SAMD13: variants seen among roughly 807,000 people sequenced by gnomAD.
SAMD13 encodes the protein sterile alpha motif domain containing 13, also known as sterile alpha motif domain-containing protein 13.
In SAMD13, 9 loss-of-function variants were observed where a neutral mutation model predicts 12.4. That is an observed-to-expected ratio of 0.72 (90% CI 0.44 to 1.26). The LOEUF (loss-of-function observed/expected upper bound fraction) is 1.26, where lower values mean the gene tolerates loss of function less well. Among genes scored for constraint, SAMD13 ranks in the 50% most tolerant of loss-of-function variants. The pLI is 0.00. For missense variants in SAMD13, 84 were observed against 119.6 expected, an observed-to-expected ratio of 0.70 and a Z score of 1.39; for synonymous variants, 46 against 45.4, an observed-to-expected ratio of 1.01 and a Z score of -0.05.
chr1:84,324,966 G>A (rs1001098080), intron 2 of SAMD13, among the ~76,000 whole-genome samples: 5 of 152,064 alleles, frequency 3.3e-5, no homozygotes, highest in African/African-American at 4.8e-5. Context: ...GAAGTGGTCC[G>A]GGCTCAAATG....
chr1:84,299,536 GTACACCACA>G, upstream of SAMD13: 1 of 1,345,274 alleles, frequency 7.4e-7, no homozygotes, highest in Non-Finnish European at 9.9e-7. Context: ...CACACACAAA[GTACACCACA>G]TAGTGCACAC....
intron 3 of SAMD13, among the ~76,000 whole-genome samples, chr1:84,326,095 G>A (rs148766296): frequency 1.3e-5 from 2 of 152,146 alleles, no homozygotes; most frequent in Admixed American, 6.6e-5. Flanking sequence ...GAAAGGAAAA[G>A]CAGGGACAAA....
chr1:84,300,516 T>G (rs1316883336), upstream of SAMD13, among the ~76,000 whole-genome samples: 3 of 152,224 alleles, frequency 2.0e-5, no homozygotes, highest in African/African-American at 7.2e-5. Flanking sequence ...TCTACCTGAA[T>G]TCTACAGGAT....
At chr1:84,341,451 C>A (rs172735) in intron 3 of SAMD13, among the ~76,000 whole-genome samples, 2 of 151,968 alleles carry the variant, frequency 1.3e-5, no homozygotes, top group Non-Finnish European at 2.9e-5. Flanking sequence ...GATTGGTACA[C>A]TGCAAATGTG....
chr1:84,309,210 A>G (rs1188241749), intron 2 of SAMD13, among the ~76,000 whole-genome samples: 2 of 152,194 alleles, frequency 1.3e-5, no homozygotes, highest in Non-Finnish European at 2.9e-5. Flanking sequence ...TCTGACTCCA[A>G]GATAACTCTT....
intron 2 of SAMD13, among the ~76,000 whole-genome samples, chr1:84,310,716 A>G (rs1249459694): frequency 1.3e-5 from 2 of 152,164 alleles, no homozygotes; most frequent in South Asian, 2.1e-4. Context: ...TTTCAAAACT[A>G]TGTCTGTTCA....
At chr1:84,328,202 C>T (rs968035351) in intron 3 of SAMD13, among the ~76,000 whole-genome samples, 9 of 152,164 alleles carry the variant, frequency 5.9e-5, no homozygotes, top group African/African-American at 1.9e-4. Flanking sequence ...GGACTGCCAG[C>T]TCTGAGCCTG....
At chr1:84,349,165 G>A (rs1438621126) in intron 3 of SAMD13, among the ~76,000 whole-genome samples, 2 of 152,200 alleles carry the variant, frequency 1.3e-5, no homozygotes, top group Non-Finnish European at 2.9e-5. Flanking sequence ...CTTGATCTTA[G>A]AGGGTGAACT....
At chr1:84,336,497 G>A (rs1679292976) in intron 3 of SAMD13, among the ~76,000 whole-genome samples, 1 of 151,992 alleles carries the variant, frequency 6.6e-6, no homozygotes, top group African/African-American at 2.4e-5. Context: ...CTTTTGAGGG[G>A]AACTCCTCTT....
At chr1:84,309,469 CCT>C (rs1334889121) in intron 2 of SAMD13, among the ~76,000 whole-genome samples, 2 of 152,154 alleles carry the variant, frequency 1.3e-5, no homozygotes, top group Non-Finnish European at 2.9e-5. Flanking sequence ...ATGCTGGACT[CCT>C]CTCCTCAAAT....
At chr1:84,302,883 T>C in intron 1 of SAMD13, 1 of 237,932 alleles carries the variant, frequency 4.2e-6, no homozygotes, top group South Asian at 7.6e-5. Flanking sequence ...AGTTGCAGTG[T>C]CTTAAGTGAG....
chr1:84,346,379 C>A (rs6670929), intron 3 of SAMD13, among the ~76,000 whole-genome samples: 4,133 of 152,124 alleles, frequency 0.027, 198 homozygotes, highest in African/African-American at 0.094. Context: ...TGTTTATTGC[C>A]CAACGGGAAC....
At chr1:84,306,894 G>C (rs1337295234) in intron 2 of SAMD13, among the ~76,000 whole-genome samples, 2 of 151,142 alleles carry the variant, frequency 1.3e-5, no homozygotes, top group East Asian at 1.9e-4. Flanking sequence ...GTGAAAACAG[G>C]CATCTTTTTG....
upstream of SAMD13, among the ~76,000 whole-genome samples, chr1:84,300,841 C>T (rs1231021671): frequency 3.9e-5 from 6 of 152,088 alleles, no homozygotes; most frequent in East Asian, 1.9e-4. Flanking sequence ...AGGATGATGG[C>T]GGGAGAGACT....
chr1:84,331,848 A>G (rs909500848), intron 3 of SAMD13, among the ~76,000 whole-genome samples: 1 of 152,090 alleles, frequency 6.6e-6, no homozygotes, highest in Non-Finnish European at 1.5e-5. Context: ...AGTAATAAGC[A>G]TAGTATCCAA....
chr1:84,335,779 G>A (rs1679277063), intron 3 of SAMD13, among the ~76,000 whole-genome samples: 1 of 152,132 alleles, frequency 6.6e-6, no homozygotes, highest in African/African-American at 2.4e-5. Flanking sequence ...GTCTGAAAAG[G>A]ATCTTATTTC....
chr1:84,322,762 C>A lies in SAMD13; in HGVS notation c.54-2875C>A, dbSNP rs138299977. On this transcript the variant is annotated intron_variant, in intron 2 of 3. Coordinates refer to ENST00000394834, the MANE Select transcript of SAMD13 (RefSeq NM_001134663.2). ...CCCTTACCCTCCATATGAAAGAGTG[C>A]CCCGTTCCACGTTGCTGCTATTCAT... is the stretch of plus-strand genomic sequence containing the variant. 1.4e-4 allele frequency among the ~76,000 whole-genome samples: 21 copies of A among 152,094 alleles called. No individual in the cohort carries two copies. In the East Asian group the frequency reaches 4.1e-3, roughly 29 times the overall value.
At chr1:84,345,326 G>A in intron 3 of SAMD13, 2 of 420,890 alleles carry the variant, frequency 4.8e-6, no homozygotes, top group South Asian at 3.5e-5. Flanking sequence ...ATGAGGCTGG[G>A]GTGTTCTGAT....
At chr1:84,302,337 CT>C (rs34069417) in intron 1 of SAMD13, among the ~76,000 whole-genome samples, 87,864 of 122,842 alleles carry the variant, frequency 0.72, 30,775 homozygotes, top group East Asian at 0.79. Flanking sequence ...CTGTTTCTTC[CT>C]TTTTTTTTTT....
Sources: gnomAD v4.1 joint callset for allele counts (sites outside exome capture counted in the v4.1 genomes callset) on GRCh38, gnomAD v4.1.1 for gene constraint, MANE v1.5 for transcripts, NCBI Gene and HGNC (gene_info 2026-07-23, HGNC 2026-07-21) for gene names.